ADAMTS9: variants seen among roughly 807,000 people sequenced by gnomAD.
ADAMTS9 encodes the protein A disintegrin and metalloproteinase with thrombospondin motifs 9.
A neutral mutation model predicts 257.1 loss-of-function variants in ADAMTS9; 107 were observed. That is an observed-to-expected ratio of 0.42 (90% CI 0.36 to 0.49). ADAMTS9 has a LOEUF of 0.49. Among genes scored for constraint, ADAMTS9 ranks in the 20% least tolerant of loss-of-function variants. ADAMTS9 has a pLI of 0.03. For missense variants in ADAMTS9, 2,353 were observed against 2,469.1 expected (o/e 0.95, Z 1.00); for synonymous variants, 982 against 880.9 (o/e 1.11, Z -2.03).
In ADAMTS9 at chr3:64,622,270, T is replaced by G; in HGVS notation, c.2614A>C (p.Ile872Leu). Residue 872 changes from isoleucine (I) to leucine (L), a missense_variant, in exon 18 of 40, where the codon ATT (isoleucine) becomes CTT (leucine). Coordinates refer to ENST00000498707, the MANE Select transcript of ADAMTS9 (RefSeq NM_182920.2). ...TAAAACTGCTGAGGTTTATCTTCAATTGGAATATTGAAAGAATAGCGTACA... is the reference window on the plus strand; with the variant it reads ...TAAAACTGCTGAGGTTTATCTTCAAGTGGAATATTGAAAGAATAGCGTACA... ...PDVRYSFNIP[I>L]EDKPQQFYWN... is the part of the protein sequence containing the mutation. 6.2e-7 allele frequency: 1 copy of G among 1,613,970 alleles called. No individual in the cohort carries two copies. Among genetic ancestry groups the G allele is most frequent in the Non-Finnish European group, 8.5e-7 (1 of 1,179,960 alleles).
At chr3:64,559,256 A>T (rs1251973725) in intron 30 of ADAMTS9, among the ~76,000 whole-genome samples, 1 of 152,176 alleles carries the variant, frequency 6.6e-6, no homozygotes, top group Admixed American at 6.5e-5. Context: ...GCAGGCTGTC[A>T]GCAGGCCTTG....
intron 5 of ADAMTS9, 38 bp from the exon 6 acceptor site, chr3:64,655,729 C>T (rs377454214): frequency 6.3e-5 from 101 of 1,590,976 alleles, no homozygotes; most frequent in Non-Finnish European, 7.6e-5. Flanking sequence ...TCTGTTGTAC[C>T]GATCCCAATT....
intron 11 of ADAMTS9, among the ~76,000 whole-genome samples, chr3:64,643,677 C>G (rs895120414): frequency 1.3e-5 from 2 of 151,822 alleles, no homozygotes; most frequent in Non-Finnish European, 2.9e-5. Flanking sequence ...GTTGCCCAGG[C>G]TAATCTCAAA....
intron 23 of ADAMTS9, 100 bp from the exon 24 acceptor site, chr3:64,604,431 AAGGCTTC>A (rs1336260911): frequency 1.2e-6 from 1 of 837,090 alleles, no homozygotes; most frequent in African/African-American, 1.7e-5. Flanking sequence ...TAAGAATTCT[AAGGCTTC>A]AGATTTCTGT....
chr3:64,680,708 C>T (rs566084733), intron 3 of ADAMTS9, among the ~76,000 whole-genome samples: 6 of 152,312 alleles, frequency 3.9e-5, no homozygotes, highest in African/African-American at 9.6e-5. Context: ...ATGAGCAAAC[C>T]TGAAGTTTCT....
At chr3:64,544,046 C>A (rs2083164085) in intron 32 of ADAMTS9, among the ~76,000 whole-genome samples, 1 of 152,152 alleles carries the variant, frequency 6.6e-6, no homozygotes, top group African/African-American at 2.4e-5. Context: ...ACCTAGGAAT[C>A]CAACTTACAA....
Position 64,541,305 on chromosome 3 carries a change from G to A in ADAMTS9, c.5387+15C>T, listed in dbSNP as rs1252990509. The A allele has an allele frequency of 1.2e-6, 2 of 1,613,872 alleles. No individual in the cohort carries two copies. The highest frequency in any genetic ancestry group is 1.3e-5 in the African/African-American group (1 of 74,918). On this transcript the variant is annotated intron_variant, in intron 35 of 39. Transcript: ENST00000498707. ...TCTCCAGGCCTCTGAGATCTTCTGA[G>A]CCTGGCTCTCCTACCTGTGCCCATA...
At position 64,641,916 on chromosome 3, in the gene ADAMTS9, G is replaced by C. The variant is rs933163053; in HGVS notation, c.1788C>G (p.Pro596=). Residue 596 remains proline (P), a synonymous_variant, in exon 12 of 40, where the codon CCC becomes CCG. Coordinates refer to ENST00000498707, the MANE Select transcript of ADAMTS9 (RefSeq NM_182920.2). ...CACATGTTCTGGAGCAGGTTCCAAAGGGACTCCAACTTCCCCAGGATCCAT... is the reference window on the plus strand; with the variant it reads ...CACATGTTCTGGAGCAGGTTCCAAACGGACTCCAACTTCCCCAGGATCCAT... ...VTDGSWGSWS[P]FGTCSRTCGG... The C allele has an allele frequency of 6.2e-7, 1 of 1,614,078 alleles. No individual in the cohort carries two copies. Among genetic ancestry groups the C allele is most frequent in the Non-Finnish European group, 8.5e-7 (1 of 1,179,998 alleles).
intron 3 of ADAMTS9, among the ~76,000 whole-genome samples, chr3:64,673,283 C>T (rs951256038): frequency 6.6e-6 from 1 of 152,194 alleles, no homozygotes; most frequent in Admixed American, 6.5e-5. Flanking sequence ...AAGATACTGC[C>T]TTTCCCTTCA....
intron 28 of ADAMTS9, among the ~76,000 whole-genome samples, chr3:64,579,932 C>T (rs758651078): frequency 5.3e-5 from 8 of 152,024 alleles, no homozygotes; most frequent in Non-Finnish European, 7.4e-5. Context: ...TAAAAGAAGC[C>T]GACAAGAGGC....
intron 11 of ADAMTS9, among the ~76,000 whole-genome samples, chr3:64,643,190 AC>A (rs1422910098): frequency 6.6e-6 from 1 of 152,082 alleles, no homozygotes; most frequent in Non-Finnish European, 1.5e-5. Context: ...TCTGGAAATC[AC>A]TTCATATTTG....
intron 3 of ADAMTS9, among the ~76,000 whole-genome samples, chr3:64,664,825 A>G (rs1701313302): frequency 6.6e-6 from 1 of 152,220 alleles, no homozygotes; most frequent in African/African-American, 2.4e-5. Context: ...AACTCTATGT[A>G]TAACATTTTG....
intron 37 of ADAMTS9, 78 bp downstream of exon 37, chr3:64,539,125 G>C (rs1167585934): frequency 7.1e-7 from 1 of 1,415,354 alleles, no homozygotes; most frequent in Non-Finnish European, 1.0e-6. Context: ...ACATTCCCAG[G>C]AACAGATGCA....
chr3:64,649,960 C>G, intron 9 of ADAMTS9, 182 bp from the exon 10 acceptor site: 1 of 702,486 alleles, frequency 1.4e-6, no homozygotes, highest in Non-Finnish European at 2.2e-6. Context: ...TTGCTGTTTA[C>G]TTTGTAGAAC....
intron 3 of ADAMTS9, among the ~76,000 whole-genome samples, 199 bp from the exon 4 acceptor site, chr3:64,658,990 G>A (rs534461538): frequency 2.4e-4 from 36 of 152,330 alleles, no homozygotes; most frequent in Middle Eastern, 3.4e-3. Flanking sequence ...TCCCTGGGAA[G>A]CTTTCATACT....
At chr3:64,549,131 G>GT (rs1339271273) in intron 31 of ADAMTS9, among the ~76,000 whole-genome samples, 2 of 152,178 alleles carry the variant, frequency 1.3e-5, no homozygotes, top group Non-Finnish European at 2.9e-5. Flanking sequence ...CTCATTGCAG[G>GT]TTTCCTTCCC....
intron 37 of ADAMTS9, among the ~76,000 whole-genome samples, chr3:64,534,505 G>T (rs1373971813): frequency 6.6e-6 from 1 of 152,204 alleles, no homozygotes; most frequent in Non-Finnish European, 1.5e-5. Context: ...ATCAGCTATG[G>T]TTTGTAACAT....
intron 16 of ADAMTS9, among the ~76,000 whole-genome samples, chr3:64,624,410 A>G (rs191340525): frequency 6.6e-6 from 1 of 152,318 alleles, no homozygotes; most frequent in East Asian, 1.9e-4. Flanking sequence ...TAGGAGTATA[A>G]AAACATAAAG....
At chr3:64,564,169 C>T (rs2083480889) in intron 29 of ADAMTS9, among the ~76,000 whole-genome samples, 1 of 152,212 alleles carries the variant, frequency 6.6e-6, no homozygotes, top group Non-Finnish European at 1.5e-5. Flanking sequence ...CATCCCACCA[C>T]CACAGTCTAT....
Sources: allele counts gnomAD v4.1 joint callset (sites outside exome capture counted in the v4.1 genomes callset), GRCh38; gene constraint gnomAD v4.1.1; transcripts MANE v1.5; gene names NCBI Gene and HGNC (gene_info 2026-07-23, HGNC 2026-07-21).